Variants in BCAT1 observed in about 807,000 individuals in gnomAD.
BCAT1 encodes branched-chain-amino-acid aminotransferase, cytosolic.
In BCAT1, 48 loss-of-function variants were observed where a neutral mutation model predicts 52.4. The ratio of observed to expected loss-of-function variants is 0.92; its 90% CI spans 0.73 to 1.16. The LOEUF (loss-of-function observed/expected upper bound fraction) is 1.16. Among genes scored for constraint, BCAT1 ranks in the 50% most tolerant of loss-of-function variants. The pLI is 0.00. For synonymous variants in BCAT1, 167 were observed against 161.3 expected (o/e 1.04, Z -0.27); for missense variants, 451 against 457.1 (o/e 0.99, Z 0.12).
chr12:24,876,172 A>G (rs1281624783), intron 5 of BCAT1, among the ~76,000 whole-genome samples: 1 of 151,604 alleles, frequency 6.6e-6, no homozygotes, highest in African/African-American at 2.4e-5. Context: ...TTCAAACATC[A>G]TACAGTCAAA....
intron 10 of BCAT1, among the ~76,000 whole-genome samples, chr12:24,828,767 A>G (rs1940514336): frequency 6.6e-6 from 1 of 152,210 alleles, no homozygotes; most frequent in African/African-American, 2.4e-5. Context: ...GCACTTTGGG[A>G]AGCCAAGGCG....
intron 5 of BCAT1, among the ~76,000 whole-genome samples, chr12:24,868,028 T>C (rs1020804667): frequency 6.6e-6 from 1 of 151,938 alleles, no homozygotes; most frequent in African/African-American, 2.4e-5. Context: ...AAAAAGAAGA[T>C]AAAGCAGTGT....
intron 1 of BCAT1, among the ~76,000 whole-genome samples, chr12:24,924,548 T>C (rs1242073575): frequency 2.0e-5 from 3 of 152,120 alleles, no homozygotes; most frequent in African/African-American, 7.2e-5. Context: ...CTCACTTCAG[T>C]GTTATTCTTG....
At chr12:24,881,819 T>C (rs1200765775) in intron 3 of BCAT1, among the ~76,000 whole-genome samples, 1 of 152,156 alleles carries the variant, frequency 6.6e-6, no homozygotes, top group African/African-American at 2.4e-5. Flanking sequence ...TATCCTTTCA[T>C]GTAATCTGGT....
rs934778406 is a variant in BCAT1, at chr12:24,915,118, C to CT, written c.7-13234dup. Among the ~76,000 whole-genome samples the CT allele has an allele frequency of 5.9e-4, 87 of 147,474 alleles. 1 individual carries two copies. The South Asian group carries it at 8.2e-3, about 14-fold the overall frequency. Reference sequence around the variant, plus strand: ...AGAATGGTGATTTATCATGAAGGCTCTTTTTTTTTTGCTTTGATATTTTTT... The same window carrying CT: ...AGAATGGTGATTTATCATGAAGGCTCTTTTTTTTTTTGCTTTGATATTTTTT... On this transcript the variant is annotated intron_variant, in intron 1 of 10. Transcript: ENST00000261192.
chr12:24,900,445 G>A (rs11047697), intron 2 of BCAT1, among the ~76,000 whole-genome samples: 13,472 of 152,102 alleles, frequency 0.089, 746 homozygotes, highest in Middle Eastern at 0.16. Flanking sequence ...AATTAGTTGG[G>A]CCTGATGGCA....
intron 1 of BCAT1, among the ~76,000 whole-genome samples, chr12:24,936,999 A>G (rs1398926243): frequency 6.6e-6 from 1 of 151,878 alleles, no homozygotes; most frequent in Non-Finnish European, 1.5e-5. Flanking sequence ...ACATTCACCA[A>G]CCCCCTATTA....
chr12:24,887,353 C>G (rs925884520), intron 3 of BCAT1, among the ~76,000 whole-genome samples: 1 of 151,876 alleles, frequency 6.6e-6, no homozygotes, highest in Non-Finnish European at 1.5e-5. Flanking sequence ...TTGGTCCTTC[C>G]TGGTTAGATC....
intron 7 of BCAT1, 89 bp from the exon 8 acceptor site, chr12:24,836,685 A>G: frequency 8.8e-7 from 1 of 1,138,774 alleles, no homozygotes. Flanking sequence ...AAACCATCAC[A>G]ATTTTGCTAG....
At chr12:24,819,358 A>G (rs1598090347) in intron 10 of BCAT1, among the ~76,000 whole-genome samples, 2 of 152,218 alleles carry the variant, frequency 1.3e-5, no homozygotes, top group Admixed American at 6.5e-5. Flanking sequence ...ATAAAACATC[A>G]GAATTTCTGA....
intron 1 of BCAT1, among the ~76,000 whole-genome samples, chr12:24,924,122 T>A (rs1005835414): frequency 6.6e-6 from 1 of 152,154 alleles, no homozygotes; most frequent in African/African-American, 2.4e-5. Context: ...TTCTGACCCA[T>A]CCTCCCTTTT....
intron 5 of BCAT1, among the ~76,000 whole-genome samples, chr12:24,871,362 A>G (rs1386558979): frequency 6.6e-6 from 1 of 152,234 alleles, no homozygotes; most frequent in East Asian, 1.9e-4. Flanking sequence ...GCCTCGCATC[A>G]TGAACTATGC....
At chr12:24,948,015 G>C (rs1323444527) in intron 1 of BCAT1, among the ~76,000 whole-genome samples, 1 of 152,188 alleles carries the variant, frequency 6.6e-6, no homozygotes, top group Non-Finnish European at 1.5e-5. Context: ...CTATGGTCTG[G>C]GATGGGTTGT....
At chr12:24,905,976 A>G (rs1943220108) in intron 1 of BCAT1, among the ~76,000 whole-genome samples, 1 of 151,238 alleles carries the variant, frequency 6.6e-6, no homozygotes, top group Admixed American at 6.6e-5. Context: ...TTTCAGCAAG[A>G]ATGGAGATAA....
chr12:24,911,342 C>G (rs908392692), intron 1 of BCAT1, among the ~76,000 whole-genome samples: 2 of 152,128 alleles, frequency 1.3e-5, no homozygotes, highest in African/African-American at 4.8e-5. Context: ...CAGACCGCCA[C>G]AAATCACAAC....
intron 1 of BCAT1, among the ~76,000 whole-genome samples, chr12:24,929,955 C>T (rs776940919): frequency 5.9e-5 from 9 of 152,230 alleles, no homozygotes; most frequent in Non-Finnish European, 1.3e-4. Flanking sequence ...AGTTTTCTCT[C>T]TCCCACATCA....
At chr12:24,826,229 C>T (rs796987552) in intron 10 of BCAT1, among the ~76,000 whole-genome samples, 3 of 152,248 alleles carry the variant, frequency 2.0e-5, no homozygotes, top group African/African-American at 7.2e-5. Context: ...TGTCCTGAAG[C>T]ATTTCCTTAA....
At chr12:24,855,843 G>C (rs1941662914) in intron 5 of BCAT1, among the ~76,000 whole-genome samples, 1 of 151,378 alleles carries the variant, frequency 6.6e-6, no homozygotes, top group African/African-American at 2.4e-5. Context: ...GACTAGGCTG[G>C]TCTTGAAATC....
intron 1 of BCAT1, among the ~76,000 whole-genome samples, chr12:24,926,243 C>T (rs949244444): frequency 4.6e-5 from 7 of 152,026 alleles, no homozygotes; most frequent in African/African-American, 4.8e-5. Context: ...CCGGCCGCCC[C>T]GTCTGAGAAG....
Sources: gnomAD v4.1 joint callset for allele counts (sites outside exome capture counted in the v4.1 genomes callset) on GRCh38, gnomAD v4.1.1 for gene constraint, MANE v1.5 for transcripts, NCBI Gene and HGNC (gene_info 2026-07-23, HGNC 2026-07-21) for gene names.